DYNC2I1: variants seen among roughly 807,000 people sequenced by gnomAD.
The protein encoded by DYNC2I1 is dynein 2 intermediate chain 1.
Under a neutral mutation model 133.4 loss-of-function variants are expected in DYNC2I1, and 89 were observed. The observed-to-expected ratio is 0.67, with a 90% CI of 0.56 to 0.80. The LOEUF (loss-of-function observed/expected upper bound fraction) is 0.80, where lower values mean the gene tolerates loss of function less well. DYNC2I1 is among the 30% of genes least tolerant of loss of function. DYNC2I1 has a pLI of 0.00. For synonymous variants in DYNC2I1, 504 were observed against 484.3 expected (o/e 1.04, Z -0.54); for missense variants, 1,291 against 1,314.5 (o/e 0.98, Z 0.28).
chr7:158,938,506 G>A (rs2467812), intron 23 of DYNC2I1, among the ~76,000 whole-genome samples: 2 of 151,998 alleles, frequency 1.3e-5, no homozygotes, highest in African/African-American at 2.4e-5. Context: ...GCCTGTAATC[G>A]CAGCACTTTG....
intron 10 of DYNC2I1, 33 bp downstream of exon 10, chr7:158,902,628 G>C (rs1158480892): frequency 1.3e-6 from 2 of 1,592,614 alleles, no homozygotes; most frequent in Non-Finnish European, 1.7e-6. Context: ...TGGTGTCCGT[G>C]CTCTTAGGGC....
At chr7:158,854,502 G>T (rs111820562), upstream of DYNC2I1, among the ~76,000 whole-genome samples, 11 of 151,640 alleles carry the variant, frequency 7.3e-5, no homozygotes, top group Admixed American at 2.6e-4. Context: ...GGTCTGTCGG[G>T]GGGGGCTGGG....
chr7:158,912,890 A>G, intron 12 of DYNC2I1, 95 bp from the exon 13 acceptor site: 1 of 863,510 alleles, frequency 1.2e-6, no homozygotes, highest in Admixed American at 2.6e-5. Flanking sequence ...TTTGATACTT[A>G]CTTTTGACAC....
downstream of DYNC2I1, among the ~76,000 whole-genome samples, chr7:158,958,079 C>G (rs1852245707): frequency 6.7e-6 from 1 of 148,876 alleles, no homozygotes. Context: ...CCGTCAGCCA[C>G]AGACACGCCC....
intron 1 of DYNC2I1, among the ~76,000 whole-genome samples, chr7:158,865,774 A>T (rs1009409131): frequency 3.3e-5 from 5 of 152,184 alleles, no homozygotes; most frequent in African/African-American, 1.2e-4. Flanking sequence ...GTCTGAGGGC[A>T]GGTCAAGTTG....
intron 1 of DYNC2I1, among the ~76,000 whole-genome samples, chr7:158,868,040 C>T (rs565683599): frequency 2.0e-5 from 3 of 151,988 alleles, no homozygotes; most frequent in Non-Finnish European, 2.9e-5. Context: ...GCCGAGGTTG[C>T]GCCACTGCAC....
Position 158,942,139 on chromosome 7 carries a change from C to A in DYNC2I1, c.2993C>A (p.Ser998Tyr), listed in dbSNP as rs975433087. The A allele has an allele frequency of 5.2e-6, 8 of 1,545,550 alleles. No homozygotes were observed. The highest frequency in any genetic ancestry group is 3.5e-4 in the Middle Eastern group (2 of 5,744). Residue 998 changes from serine to tyrosine, a missense_variant, in exon 24 of 25, where the codon TCC (serine) becomes TAC (tyrosine). Physicochemically the swap from Ser to Tyr is moderately radical, Grantham distance 144 (BLOSUM62 -2). Transcript: ENST00000407559. ...DLGPVAKQQV[S>Y]PNRLVAMAAV... is the part of the protein sequence containing the mutation. Reference sequence around the variant, plus strand: ...GGTCCTGTCGCCAAACAGCAGGTCTCCCCCAACAGGCAAGTGGGGAAGCTC... The same window carrying A: ...GGTCCTGTCGCCAAACAGCAGGTCTACCCCAACAGGCAAGTGGGGAAGCTC...
chr7:158,918,097 G>A (rs551678489), intron 14 of DYNC2I1, among the ~76,000 whole-genome samples: 4 of 152,006 alleles, frequency 2.6e-5, no homozygotes, highest in East Asian at 3.9e-4. Flanking sequence ...CAGTATTCCC[G>A]GCCGTCCTGA....
At chr7:158,911,916 C>T (rs1199409280) in intron 12 of DYNC2I1, among the ~76,000 whole-genome samples, 1 of 152,168 alleles carries the variant, frequency 6.6e-6, no homozygotes, top group Non-Finnish European at 1.5e-5. Flanking sequence ...GTGATCTGCT[C>T]GGAATGGGGA....
At chr7:158,848,619 C>G in the DYNC2I1 span, among the ~76,000 whole-genome samples, 1 of 152,170 alleles carries the variant, frequency 6.6e-6, no homozygotes, top group Non-Finnish European at 1.5e-5. Flanking sequence ...GTCTTTACAA[C>G]ACCATCAAAA....
intron 15 of DYNC2I1, among the ~76,000 whole-genome samples, chr7:158,919,878 G>C (rs1383318165): frequency 6.8e-6 from 1 of 146,014 alleles, no homozygotes; most frequent in South Asian, 2.2e-4. Flanking sequence ...CCGAGTGTGC[G>C]CCGCCCCCAG....
chr7:158,855,905 A>C (rs1361115174), upstream of DYNC2I1, among the ~76,000 whole-genome samples: 1 of 150,998 alleles, frequency 6.6e-6, no homozygotes, highest in Non-Finnish European at 1.5e-5. Flanking sequence ...TAATTTGTTA[A>C]GTGCAAAGCC....
At chr7:158,934,655 A>C (rs1221541823) in intron 23 of DYNC2I1, 106 bp downstream of exon 23, 46 of 1,223,100 alleles carry the variant, frequency 3.8e-5, no homozygotes, top group Non-Finnish European at 4.9e-5. Flanking sequence ...GTCATAGCTC[A>C]CTGCAGCCTT....
At chr7:158,943,510 C>G (rs1036861829) in intron 24 of DYNC2I1, among the ~76,000 whole-genome samples, 9 of 152,068 alleles carry the variant, frequency 5.9e-5, no homozygotes, top group Non-Finnish European at 1.2e-4. Context: ...GAAGGATGGT[C>G]CTGTTGTGGG....
At chr7:158,949,874 C>T (rs370865384), downstream of DYNC2I1, among the ~76,000 whole-genome samples, 2 of 151,780 alleles carry the variant, frequency 1.3e-5, no homozygotes, top group African/African-American at 2.4e-5. Flanking sequence ...CAGGTTCAAG[C>T]GATTCTTCTG....
chr7:158,870,660 A>C (rs1842798709), intron 2 of DYNC2I1, among the ~76,000 whole-genome samples: 1 of 151,250 alleles, frequency 6.6e-6, no homozygotes, highest in Admixed American at 6.6e-5. Flanking sequence ...GGTGTGAGAT[A>C]CCATGCCTGG....
At chr7:158,875,314 T>TG (rs952719715) in intron 3 of DYNC2I1, among the ~76,000 whole-genome samples, 14 of 152,100 alleles carry the variant, frequency 9.2e-5, no homozygotes, top group Non-Finnish European at 1.5e-4. Flanking sequence ...AGGCTAATCT[T>TG]GAACTCCTGA....
intron 4 of DYNC2I1, among the ~76,000 whole-genome samples, chr7:158,953,578 C>T (rs1852116710): frequency 6.6e-6 from 1 of 152,256 alleles, no homozygotes; most frequent in African/African-American, 2.4e-5. Flanking sequence ...TGGCAAGACC[C>T]TATCTCTACA....
intron 14 of DYNC2I1, among the ~76,000 whole-genome samples, chr7:158,916,478 G>C (rs33943895): frequency 1.5e-5 from 1 of 65,178 alleles, no homozygotes; most frequent in Non-Finnish European, 3.5e-5. Context: ...ATTGTGAAAC[G>C]TCTACATGCT....
Sources: gnomAD v4.1 joint callset for allele counts (sites outside exome capture counted in the v4.1 genomes callset) on GRCh38, gnomAD v4.1.1 for gene constraint, MANE v1.5 for transcripts, NCBI Gene and HGNC (gene_info 2026-07-23, HGNC 2026-07-21) for gene names.